MCOLN3: variants seen among roughly 807,000 people sequenced by gnomAD.
The protein encoded by MCOLN3 is mucolipin TRP cation channel 3, also known as mucolipin-3.
A neutral mutation model predicts 69.4 loss-of-function variants in MCOLN3; 62 were observed. That is an observed-to-expected ratio of 0.89 (90% CI 0.73 to 1.10). MCOLN3 has a LOEUF of 1.10. Among genes scored for constraint, MCOLN3 ranks in the 50% least tolerant of loss-of-function variants. MCOLN3 has a pLI of 0.00. For missense variants in MCOLN3, 564 were observed against 656.4 expected, an observed-to-expected ratio of 0.86 and a Z score of 1.54; for synonymous variants, 183 against 217.0, an observed-to-expected ratio of 0.84 and a Z score of 1.38.
At position 85,038,574 on chromosome 1, in the gene MCOLN3, T is replaced by C. The variant is rs797004837; in HGVS notation, c.396+2436A>G. 1.4e-4 allele frequency among the ~76,000 whole-genome samples: 21 copies of C among 152,326 alleles called. 1 individual carries two copies. Among genetic ancestry groups the C allele is most frequent in the African/African-American group, 5.0e-4 (21 of 41,586 alleles). On this transcript the variant is annotated intron_variant, in intron 3 of 12. Coordinates refer to ENST00000370589, the MANE Select transcript of MCOLN3 (RefSeq NM_018298.11). ...TGGGGATAACTAATAGTCATGGATATGCTTCTAAGAACTGAGATGCCACTG... is the reference window on the plus strand; with the variant it reads ...TGGGGATAACTAATAGTCATGGATACGCTTCTAAGAACTGAGATGCCACTG...
rs554426378 is a variant in MCOLN3, at chr1:85,020,425, A to T, written c.1527+645T>A. ...ACAAATACACCTAACAGTATAAGTT[A>T]TGGAAATTGAAACATATATGGATAT... On this transcript the variant is annotated intron_variant, in intron 12 of 12. Coordinates refer to ENST00000370589, the MANE Select transcript of MCOLN3 (RefSeq NM_018298.11). Among the ~76,000 whole-genome samples, 33 of 152,380 alleles carry T rather than the reference A, an allele frequency of 2.2e-4. No homozygotes were observed. In the South Asian group the frequency reaches 6.8e-3, roughly 32 times the overall value.
At chr1:85,031,216 A>G (rs948390898) in intron 6 of MCOLN3, among the ~76,000 whole-genome samples, 5 of 150,728 alleles carry the variant, frequency 3.3e-5, no homozygotes, top group African/African-American at 1.2e-4. Flanking sequence ...GGTTGCAGTG[A>G]GCCAAGATCA....
chr1:85,038,124 A>ACT (rs1652886443), intron 3 of MCOLN3, among the ~76,000 whole-genome samples: 1 of 152,204 alleles, frequency 6.6e-6, no homozygotes, highest in Non-Finnish European at 1.5e-5. Flanking sequence ...CTAAGCCAGA[A>ACT]GACCAGAAGG....
intron 3 of MCOLN3, among the ~76,000 whole-genome samples, chr1:85,037,043 G>A (rs1331214669): frequency 1.3e-5 from 2 of 152,076 alleles, no homozygotes; most frequent in Admixed American, 6.6e-5. Flanking sequence ...ATAATAATGC[G>A]ATGGAGCTCT....
chr1:85,021,850 C>T (rs1018509181), intron 11 of MCOLN3, among the ~76,000 whole-genome samples: 1 of 152,106 alleles, frequency 6.6e-6, no homozygotes, highest in African/African-American at 2.4e-5. Flanking sequence ...ACTTAATTAC[C>T]TGATATATTG....
At chr1:85,019,388 T>C in intron 12 of MCOLN3, 131 bp from the exon 13 acceptor site, 1 of 835,204 alleles carries the variant, frequency 1.2e-6, no homozygotes, top group South Asian at 1.8e-5. Context: ...CCTGAGTACC[T>C]GCAAAGGAGA....
At chr1:85,035,521 C>CA (rs1362121776) in intron 3 of MCOLN3, among the ~76,000 whole-genome samples, 1 of 152,206 alleles carries the variant, frequency 6.6e-6, no homozygotes, top group Non-Finnish European at 1.5e-5. Context: ...TTCTGTAAGT[C>CA]AGTCAGTTGT....
At chr1:85,020,579 CT>C (rs1651875462) in intron 12 of MCOLN3, among the ~76,000 whole-genome samples, 1 of 152,220 alleles carries the variant, frequency 6.6e-6, no homozygotes, top group African/African-American at 2.4e-5. Flanking sequence ...CCCATTAATC[CT>C]TTTGCTATTC....
rs185008982 is a variant in MCOLN3 at position 85,023,873 on chromosome 1, T to C, written c.1096-1473A>G. On this transcript the variant is annotated intron_variant, in intron 9 of 12. Transcript: ENST00000370589. ...AGGAGGAAAACCAGGTGATAGTCCA[T>C]TGAAAGCATGTCAACAAAAAGGGAG... is the stretch of plus-strand genomic sequence containing the variant. Among the ~76,000 whole-genome samples, 20 of 152,280 alleles carry C rather than the reference T, an allele frequency of 1.3e-4. No homozygotes were observed. In the East Asian group the frequency reaches 2.7e-3, roughly 21 times the overall value.
chr1:85,020,426 TG>T (rs556601934), intron 12 of MCOLN3, among the ~76,000 whole-genome samples: 245 of 152,370 alleles, frequency 1.6e-3, no homozygotes, highest in African/African-American at 5.8e-3. Flanking sequence ...GTATAAGTTA[TG>T]GAAATTGAAA....
intron 9 of MCOLN3, among the ~76,000 whole-genome samples, chr1:85,023,848 A>G (rs1163953802): frequency 6.6e-6 from 1 of 152,224 alleles, no homozygotes; most frequent in African/African-American, 2.4e-5. Context: ...CCAGTGACTT[A>G]GGAGGAAAAC....
chr1:85,032,084 A>AAGAG (rs147505457), intron 6 of MCOLN3, among the ~76,000 whole-genome samples: 1,815 of 148,958 alleles, frequency 0.012, 35 homozygotes, highest in African/African-American at 0.035. Flanking sequence ...TCAAAAAAAG[A>AAGAG]AGAGAGAGAG....
intron 3 of MCOLN3, among the ~76,000 whole-genome samples, chr1:85,037,456 C>T (rs1365717126): frequency 6.6e-6 from 1 of 152,190 alleles, no homozygotes; most frequent in African/African-American, 2.4e-5. Context: ...AGGTCTGAAC[C>T]TCCTGACCAC....
At chr1:85,047,174 A>T (rs556556248) in intron 1 of MCOLN3, 1 of 152,312 alleles carries the variant, frequency 6.6e-6, no homozygotes, top group African/African-American at 2.4e-5. Context: ...GGAAAATTAA[A>T]TTTTAAACAA....
At chr1:85,045,425 TC>T in intron 1 of MCOLN3, 63 bp from the exon 2 acceptor site, 1 of 1,325,512 alleles carries the variant, frequency 7.5e-7, no homozygotes, top group Non-Finnish European at 1.0e-6. Context: ...AAGACACAAG[TC>T]CATATTCTTT....
chr1:85,032,079 A>G (rs1652558150), intron 6 of MCOLN3, among the ~76,000 whole-genome samples: 1 of 111,726 alleles, frequency 9.0e-6, no homozygotes, highest in Admixed American at 8.9e-5. Flanking sequence ...CTGTCTCAAA[A>G]AAAGAAGAGA....
chr1:85,029,613 TA>T (rs1652403364), intron 6 of MCOLN3: 1 of 155,174 alleles, frequency 6.4e-6, no homozygotes, highest in African/African-American at 2.4e-5. Context: ...CTATAATTCT[TA>T]CTAATACAAA....
At position 85,045,099 on chromosome 1, in the gene MCOLN3, G is replaced by C. The variant is rs374629096; in HGVS notation, c.228+34C>G. Reference sequence around the variant, plus strand: ...CATAGTTATCTTTGTAATTAAAAGAGGCTTTCACCAAACTCATGATCTGAG... The same window carrying C: ...CATAGTTATCTTTGTAATTAAAAGACGCTTTCACCAAACTCATGATCTGAG... On this transcript the variant is annotated intron_variant, in intron 2 of 12. Coordinates refer to ENST00000370589, the MANE Select transcript of MCOLN3 (RefSeq NM_018298.11). 2.0e-6 allele frequency: 3 copies of C among 1,526,148 alleles called. No homozygotes were observed. In the Admixed American group the frequency reaches 5.6e-5, roughly 29 times the overall value. 94.5% of individuals were successfully genotyped at this position (1,526,148 alleles called of 1,614,324 possible). A position where few individuals can be genotyped will look rare whatever the true frequency, so the allele number is the denominator to read the frequency against.
chr1:85,029,850 T>C (rs1652414752), intron 6 of MCOLN3: 1 of 152,316 alleles, frequency 6.6e-6, no homozygotes, highest in Middle Eastern at 3.4e-3. Context: ...GTCTTCCTTA[T>C]GCAAGGACAG....
Sources: allele counts gnomAD v4.1 joint callset (sites outside exome capture counted in the v4.1 genomes callset), GRCh38; gene constraint gnomAD v4.1.1; transcripts MANE v1.5; gene names NCBI Gene and HGNC (gene_info 2026-07-23, HGNC 2026-07-21).